Variants in MAGI1 observed in about 807,000 individuals in gnomAD.
MAGI1 encodes the protein membrane-associated guanylate kinase, WW and PDZ domain-containing protein 1.
In MAGI1, 58 loss-of-function variants were observed where a neutral mutation model predicts 139.9. That is an observed-to-expected ratio of 0.41 (90% CI 0.34 to 0.52). MAGI1 has a LOEUF of 0.52. Among genes scored for constraint, MAGI1 ranks in the 20% least tolerant of loss-of-function variants. The pLI, the probability that MAGI1 is intolerant of heterozygous loss-of-function variation, is 0.12. For missense variants in MAGI1, 1,874 were observed against 1,901.6 expected, an observed-to-expected ratio of 0.99 and a Z score of 0.27; for synonymous variants, 812 against 737.9, an observed-to-expected ratio of 1.10 and a Z score of -1.63.
intron 2 of MAGI1, among the ~76,000 whole-genome samples, chr3:65,598,079 A>G (rs911013060): frequency 1.3e-5 from 2 of 152,180 alleles, no homozygotes; most frequent in African/African-American, 4.8e-5. Flanking sequence ...CGCCTTTTAT[A>G]TTACTGGCGA....
At chr3:65,859,466 T>C (rs2059476493) in intron 1 of MAGI1, among the ~76,000 whole-genome samples, 1 of 152,086 alleles carries the variant, frequency 6.6e-6, no homozygotes, top group African/African-American at 2.4e-5. Context: ...TGGTGGCTCA[T>C]GCCTGTAATC....
intron 1 of MAGI1, among the ~76,000 whole-genome samples, chr3:65,950,560 C>G (rs2063787488): frequency 6.6e-6 from 1 of 152,102 alleles, no homozygotes; most frequent in Non-Finnish European, 1.5e-5. Flanking sequence ...GAAAAACAAA[C>G]AAAGAATATA....
intron 1 of MAGI1, among the ~76,000 whole-genome samples, chr3:65,720,702 C>T (rs1007518464): frequency 2.0e-5 from 3 of 152,056 alleles, no homozygotes; most frequent in African/African-American, 7.2e-5. Context: ...CTCAGGCCTT[C>T]GCTCTGCCTG....
intron 1 of MAGI1, among the ~76,000 whole-genome samples, chr3:65,725,649 G>C (rs2033520733): frequency 6.6e-6 from 1 of 152,184 alleles, no homozygotes; most frequent in South Asian, 2.1e-4. Context: ...CAAGGGACTT[G>C]AGTGTCACCA....
intron 2 of MAGI1, among the ~76,000 whole-genome samples, chr3:65,518,677 T>C (rs2078010230): frequency 6.6e-6 from 1 of 152,070 alleles, no homozygotes; most frequent in Non-Finnish European, 1.5e-5. Flanking sequence ...CCATGAAAAA[T>C]TAAAACCTGT....
rs151204024 is a variant in MAGI1, at chr3:65,589,622, T to C, written c.430+32350A>G. On this transcript the variant is annotated intron_variant, in intron 2 of 22. Transcript: ENST00000402939. Reference sequence around the variant, plus strand: ...GAAATTTTTTCTGTCAAGGGTCAGATAATAAATAGAAAATAGGCTTTGGAG... The same window carrying C: ...GAAATTTTTTCTGTCAAGGGTCAGACAATAAATAGAAAATAGGCTTTGGAG... 7.2e-4 allele frequency among the ~76,000 whole-genome samples: 110 copies of C among 152,202 alleles called. 1 individual carries two copies. Among genetic ancestry groups the C allele is most frequent in the Non-Finnish European group, 1.0e-3 (69 of 67,996 alleles).
intron 1 of MAGI1, among the ~76,000 whole-genome samples, chr3:65,825,414 G>T (rs1327309253): frequency 3.3e-5 from 5 of 152,208 alleles, no homozygotes; most frequent in Non-Finnish European, 2.9e-5. Context: ...CCCCAACTTC[G>T]CATTCAGTGA....
At chr3:65,359,616 TGGA>T in intron 22 of MAGI1, 1 of 996,626 alleles carries the variant, frequency 1.0e-6, no homozygotes, top group Non-Finnish European at 1.2e-6. Context: ...AGAAAAATAT[TGGA>T]ACTTAACATA....
At chr3:65,964,420 T>C (rs76966321) in intron 1 of MAGI1, among the ~76,000 whole-genome samples, 3,348 of 151,798 alleles carry the variant, frequency 0.022, 52 homozygotes, top group Middle Eastern at 0.027. Context: ...AGAGAGTGAA[T>C]GAGTCATAGA....
intron 1 of MAGI1, among the ~76,000 whole-genome samples, chr3:65,823,845 T>C (rs528251432): frequency 8.5e-5 from 13 of 152,338 alleles, no homozygotes; most frequent in African/African-American, 2.9e-4. Context: ...TTTTTAACGA[T>C]GGACACACAC....
At chr3:65,901,146 C>G (rs1002976046) in intron 1 of MAGI1, among the ~76,000 whole-genome samples, 6 of 152,196 alleles carry the variant, frequency 3.9e-5, no homozygotes, top group African/African-American at 1.4e-4. Context: ...ATTTATACTA[C>G]TTGCAACGCA....
chr3:65,607,751 A>G (rs1203805017), intron 2 of MAGI1, among the ~76,000 whole-genome samples: 1 of 152,136 alleles, frequency 6.6e-6, no homozygotes, highest in Non-Finnish European at 1.5e-5. Context: ...ATCACAAGAA[A>G]AATTTCTTAG....
chr3:65,726,071 A>C (rs766548553), intron 1 of MAGI1, among the ~76,000 whole-genome samples: 1 of 152,226 alleles, frequency 6.6e-6, no homozygotes, highest in Non-Finnish European at 1.5e-5. Context: ...ATAGTAAAGA[A>C]ATATGAAATT....
intron 1 of MAGI1, among the ~76,000 whole-genome samples, chr3:65,753,265 T>C (rs1049867976): frequency 5.9e-5 from 9 of 152,020 alleles, no homozygotes; most frequent in African/African-American, 2.2e-4. Flanking sequence ...CTGTCCAGGC[T>C]CGTCAGAATT....
At chr3:65,550,886 G>T (rs2079795038) in intron 2 of MAGI1, among the ~76,000 whole-genome samples, 1 of 152,130 alleles carries the variant, frequency 6.6e-6, no homozygotes. Context: ...TGAGAGGATT[G>T]CATGGGCCTA....
intron 1 of MAGI1, among the ~76,000 whole-genome samples, chr3:65,891,126 T>C (rs994956915): frequency 4.0e-5 from 6 of 150,728 alleles, no homozygotes; most frequent in Non-Finnish European, 5.9e-5. Flanking sequence ...GGTGGGAGGA[T>C]AGCTTGAGCT....
Position 65,555,773 on chromosome 3 carries a change from G to T in MAGI1, c.431-62142C>A, listed in dbSNP as rs563897446. Among the ~76,000 whole-genome samples the T allele has an allele frequency of 2.0e-5, 3 of 152,216 alleles. No homozygotes were observed. The East Asian group carries it at 5.8e-4, about 29-fold the overall frequency. The stretch of plus-strand genomic sequence containing the variant: ...CTTGTGAGGCTGAGGCAGGAGAATC[G>T]CTTGAGCCCAGAGGTTGAGGCTACA... On this transcript the variant is annotated intron_variant, in intron 2 of 22. Coordinates refer to ENST00000402939, the MANE Select transcript of MAGI1 (RefSeq NM_001033057.2).
At chr3:65,529,753 T>G (rs1329674656) in intron 2 of MAGI1, among the ~76,000 whole-genome samples, 1 of 152,212 alleles carries the variant, frequency 6.6e-6, no homozygotes, top group East Asian at 1.9e-4. Context: ...TACCTATGTA[T>G]ACACACACAT....
At chr3:65,639,866 G>T in intron 1 of MAGI1, among the ~76,000 whole-genome samples, 1 of 151,974 alleles carries the variant, frequency 6.6e-6, no homozygotes, top group Admixed American at 6.6e-5. Context: ...GCCAGGCGTG[G>T]TGGTGCATGC....
Sources: gnomAD v4.1 joint callset for allele counts (sites outside exome capture counted in the v4.1 genomes callset) on GRCh38, gnomAD v4.1.1 for gene constraint, MANE v1.5 for transcripts, NCBI Gene and HGNC (gene_info 2026-07-23, HGNC 2026-07-21) for gene names.